The following ATP9B variants were observed in gnomAD, a reference collection of about 807,000 sequenced individuals.
ATP9B encodes ATPase phospholipid transporting 9B, also known as probable phospholipid-transporting ATPase IIB.
A neutral mutation model predicts 146.1 loss-of-function variants in ATP9B; 110 were observed. The ratio of observed to expected loss-of-function variants is 0.75; its 90% CI spans 0.65 to 0.88. The LOEUF (loss-of-function observed/expected upper bound fraction) is 0.88. ATP9B is among the 40% of genes least tolerant of loss of function. The probability of loss-of-function intolerance (pLI) is 0.00; values close to 1 mark genes in which losing one functional copy is unlikely to be tolerated. For synonymous variants in ATP9B, 604 were observed against 569.7 expected (o/e 1.06, Z -0.86); for missense variants, 1,499 against 1,496.4 (o/e 1.00, Z -0.03).
At chr18:79,194,482 T>C (rs9953572) in intron 9 of ATP9B, 18,373 of 152,296 alleles carry the variant, frequency 0.12, 1,192 homozygotes, top group East Asian at 0.21. Context: ...AGCGTATGGC[T>C]CAGTCTGCAG....
intron 25 of ATP9B, among the ~76,000 whole-genome samples, chr18:79,356,749 G>A (rs960912358): frequency 3.3e-5 from 5 of 152,286 alleles, no homozygotes; most frequent in African/African-American, 1.2e-4. Context: ...GGAGGCAGCA[G>A]AGGGAAGTGG....
At chr18:79,161,502 AT>A (rs1438827531) in intron 7 of ATP9B, among the ~76,000 whole-genome samples, 4 of 151,900 alleles carry the variant, frequency 2.6e-5, no homozygotes, top group African/African-American at 9.7e-5. Context: ...CCTCAGTTTT[AT>A]TTTTTCTGTC....
At chr18:79,321,460 G>A (rs2096715576) in intron 15 of ATP9B, among the ~76,000 whole-genome samples, 1 of 150,712 alleles carries the variant, frequency 6.6e-6, no homozygotes, top group Non-Finnish European at 1.5e-5. Context: ...TCAGCTCACT[G>A]CAACCTCTGC....
At chr18:79,071,066 T>TTTG (rs371797213) in intron 1 of ATP9B, among the ~76,000 whole-genome samples, 20 of 149,576 alleles carry the variant, frequency 1.3e-4, no homozygotes, top group Non-Finnish European at 8.9e-5. Context: ...TTTTTTTTTT[T>TTTG]GCCACTTTTT....
intron 6 of ATP9B, among the ~76,000 whole-genome samples, chr18:79,148,927 TGTG>T (rs2094637231): frequency 6.6e-6 from 1 of 152,124 alleles, no homozygotes; most frequent in Non-Finnish European, 1.5e-5. Context: ...ATAATGAAAA[TGTG>T]GGCACAGAAA....
At chr18:79,304,505 CA>C (rs1427417754) in intron 14 of ATP9B, among the ~76,000 whole-genome samples, 3 of 152,130 alleles carry the variant, frequency 2.0e-5, no homozygotes, top group Non-Finnish European at 4.4e-5. Context: ...CAAAAAGCTT[CA>C]AGTTTTAGAA....
chr18:79,298,375 A>C (rs2096567418), intron 13 of ATP9B, among the ~76,000 whole-genome samples: 1 of 146,202 alleles, frequency 6.8e-6, no homozygotes, highest in Admixed American at 7.1e-5. Flanking sequence ...CCTTGAAAAA[A>C]GCGCGGTACT....
chr18:79,097,924 TAGTTCTAGATCCCTGAGG>T lies in ATP9B; in HGVS notation c.293+1277_293+1294del, dbSNP rs1267219329. Among the ~76,000 whole-genome samples, 4 of 151,834 alleles carry T rather than the reference TAGTTCTAGATCCCTGAGG, an allele frequency of 2.6e-5. No individual in the cohort carries two copies. In the East Asian group the frequency reaches 7.8e-4, roughly 29 times the overall value. ...GGATGGCTGGGTCAAATGGTATTTCTAGTTCTAGATCCCTGAGGAATCGCCACACTGACTTCCACAATG... is the reference window on the plus strand; with the variant it reads ...GGATGGCTGGGTCAAATGGTATTTCTAATCGCCACACTGACTTCCACAATG... On this transcript the variant is annotated intron_variant, in intron 2 of 29. Transcript: ENST00000426216.
intron 15 of ATP9B, among the ~76,000 whole-genome samples, chr18:79,320,867 A>G (rs981184075): frequency 6.6e-6 from 1 of 151,672 alleles, no homozygotes; most frequent in Non-Finnish European, 1.5e-5. Flanking sequence ...TGGGTTTTAT[A>G]CTGGGAGGGA....
chr18:79,345,572 G>T lies in ATP9B; in HGVS notation c.2617G>T (p.Gly873Cys), dbSNP rs771485807. ...QHTGRRTCAI[G>C]DGGNDVSMIQ... ...CACAGGGAGACGCACCTGCGCCATC[G>T]GTGAGAGCCGCCCACCCTGCTCACA... Residue 873 changes from glycine (G) to cysteine (C), a missense_variant and splice_region_variant, in exon 22 of 30, where the codon GGT becomes TGT. Transcript: ENST00000426216. 9.3e-6 allele frequency: 15 copies of T among 1,606,648 alleles called. No homozygotes were observed. The highest frequency in any genetic ancestry group is 3.3e-5 in the Admixed American group (2 of 59,982).
Position 79,116,954 on chromosome 18 carries a change from AAAG to A in ATP9B, c.558+3603_558+3605del, listed in dbSNP as rs1377326586. On this transcript the variant is annotated intron_variant, in intron 4 of 29. Transcript: ENST00000426216. Reference sequence around the variant, plus strand: ...AAAAAAAAAATTAAAAAAAAAAAAAAAAGAAATAATGATTGATCACAAAGTCTA... The same window carrying A: ...AAAAAAAAAATTAAAAAAAAAAAAAAAAATAATGATTGATCACAAAGTCTA... 7.4e-5 allele frequency among the ~76,000 whole-genome samples: 7 copies of A among 95,002 alleles called. No individual in the cohort carries two copies. In the East Asian group the frequency reaches 2.3e-3, roughly 31 times the overall value. 62.3% of individuals were successfully genotyped at this position (95,002 alleles called of 152,430 possible).
At chr18:79,123,162 A>T (rs927530563) in intron 4 of ATP9B, among the ~76,000 whole-genome samples, 3 of 152,098 alleles carry the variant, frequency 2.0e-5, no homozygotes, top group African/African-American at 4.8e-5. Flanking sequence ...GATCTTGTTT[A>T]TAGGAAAACC....
intron 9 of ATP9B, among the ~76,000 whole-genome samples, chr18:79,198,076 T>G (rs1168328318): frequency 6.6e-6 from 1 of 152,148 alleles, no homozygotes; most frequent in Non-Finnish European, 1.5e-5. Context: ...ATAAAACAAG[T>G]CTTAGTATAT....
At chr18:79,357,058 T>C (rs866875096) in intron 25 of ATP9B, among the ~76,000 whole-genome samples, 1 of 16,958 alleles carries the variant, frequency 5.9e-5, no homozygotes, top group Non-Finnish European at 1.1e-4. Flanking sequence ...TGGAGGTGTC[T>C]GTGTGAGGGG....
Position 79,176,850 on chromosome 18 carries a change from A to T in ATP9B, c.816A>T (p.Glu272Asp), listed in dbSNP as rs199736326. The change falls in exon 8 of 30, where the codon GAA becomes GAT. Residue 272 changes from glutamate to aspartate, a missense_variant. Glu to Asp is a conservative substitution (Grantham distance 45, BLOSUM62 2). Coordinates refer to ENST00000426216, the MANE Select transcript of ATP9B (RefSeq NM_198531.5). ...CFIRTDQLDG[E>D]TDWKLKVAVS... ...TTCGAACTGATCAACTAGATGGTGAAACTGACTGGAAGCTGAAGGTGGCAG... is the reference window on the plus strand; with the variant it reads ...TTCGAACTGATCAACTAGATGGTGATACTGACTGGAAGCTGAAGGTGGCAG... 1.2e-6 allele frequency: 2 copies of T among 1,614,202 alleles called. No individual in the cohort carries two copies. The highest frequency in any genetic ancestry group is 1.7e-6 in the Non-Finnish European group (2 of 1,180,020).
intron 28 of ATP9B, among the ~76,000 whole-genome samples, chr18:79,374,500 CCGTCGGT>C (rs1249403226): frequency 2.0e-4 from 29 of 148,270 alleles, no homozygotes; most frequent in Non-Finnish European, 2.6e-4. Context: ...GCGCTGAGCC[CCGTCGGT>C]CACTGGCTGG....
chr18:79,073,872 C>T (rs1036956489), intron 1 of ATP9B, among the ~76,000 whole-genome samples: 2 of 152,134 alleles, frequency 1.3e-5, no homozygotes, highest in African/African-American at 4.8e-5. Context: ...TAATTAATGC[C>T]AGTATCTGAG....
Position 79,220,789 on chromosome 18 carries a change from A to C in ATP9B, c.1107+6751A>C, listed in dbSNP as rs564497138. On this transcript the variant is annotated intron_variant, in intron 11 of 29. Transcript: ENST00000426216. ...AATTTAATAAATACCACATTTATAG[A>C]GTTATCTTCTTTATTCCATGATGCA... Among the ~76,000 whole-genome samples the C allele has an allele frequency of 3.3e-5, 5 of 152,278 alleles. No homozygotes were observed. In the South Asian group the frequency reaches 1.0e-3, roughly 32 times the overall value.
At position 79,372,885 on chromosome 18, in the gene ATP9B, A is replaced by T; in HGVS notation, c.3070+3A>T. 1.2e-6 allele frequency: 2 copies of T among 1,600,024 alleles called. No individual in the cohort carries two copies. The highest frequency in any genetic ancestry group is 1.7e-6 in the Non-Finnish European group (2 of 1,167,332). Reference sequence around the variant, plus strand: ...GGTTTTAATAAGTATTTACCAAGGTAAGACGAGATCCTTAGTTTACTGGAC... The same window carrying T: ...GGTTTTAATAAGTATTTACCAAGGTTAGACGAGATCCTTAGTTTACTGGAC... On this transcript the variant is annotated splice_donor_region_variant and intron_variant, in intron 27 of 29. Transcript: ENST00000426216.
Sources: gnomAD v4.1 joint callset for allele counts (sites outside exome capture counted in the v4.1 genomes callset) on GRCh38, gnomAD v4.1.1 for gene constraint, MANE v1.5 for transcripts, NCBI Gene and HGNC (gene_info 2026-07-23, HGNC 2026-07-21) for gene names.